LRRC4C: variants seen among roughly 807,000 people sequenced by gnomAD.
LRRC4C encodes leucine rich repeat containing 4C.
In LRRC4C, 5 loss-of-function variants were observed where a neutral mutation model predicts 33.6. The observed-to-expected ratio is 0.15, with a 90% confidence interval of 0.08 to 0.31. The LOEUF (loss-of-function observed/expected upper bound fraction) is 0.31. Among genes scored for constraint, LRRC4C ranks in the 10% least tolerant of loss-of-function variants. LRRC4C has a pLI of 1.00. For synonymous variants in LRRC4C, 329 were observed against 302.0 expected (o/e 1.09, Z -0.93); for missense variants, 560 against 796.7 (o/e 0.70, Z 3.58).
At chr11:40,768,529 G>T (rs1396444557) in intron 2 of LRRC4C, among the ~76,000 whole-genome samples, 1 of 151,920 alleles carries the variant, frequency 6.6e-6, no homozygotes, top group Non-Finnish European at 1.5e-5. Flanking sequence ...GTCAGAAAAG[G>T]AGACACCACA....
chr11:40,652,572 C>A (rs1455947215), intron 2 of LRRC4C, among the ~76,000 whole-genome samples: 1 of 152,048 alleles, frequency 6.6e-6, no homozygotes, highest in African/African-American at 2.4e-5. Context: ...ATCACACAAC[C>A]CAATGTCTTC....
intron 3 of LRRC4C, among the ~76,000 whole-genome samples, chr11:40,424,094 T>C (rs531897138): frequency 6.6e-6 from 1 of 152,262 alleles, no homozygotes; most frequent in African/African-American, 2.4e-5. Context: ...AGCAGGAAGG[T>C]AAATACATCA....
At position 41,162,041 on chromosome 11, in the gene LRRC4C, G is replaced by A. The variant is rs190520742; in HGVS notation, c.-495-228318C>T. On this transcript the variant is annotated intron_variant, in intron 1 of 6. Transcript: ENST00000528697. ...AGGCTATAGTCTTGGCTTATCTGGC[G>A]CCATTTATCCACTCTGCACCTCATG... 1.4e-3 allele frequency among the ~76,000 whole-genome samples: 219 copies of A among 152,194 alleles called. 3 individuals carry two copies. Among genetic ancestry groups the A allele is most frequent in the Admixed American group, 0.011 (175 of 15,288 alleles).
At chr11:40,439,102 T>A (rs1453580482) in intron 3 of LRRC4C, among the ~76,000 whole-genome samples, 2 of 150,482 alleles carry the variant, frequency 1.3e-5, no homozygotes, top group Non-Finnish European at 3.0e-5. Context: ...AGCTAATTTT[T>A]TTTTTTTTTT....
At chr11:40,794,154 GA>G (rs2135193187) in intron 2 of LRRC4C, among the ~76,000 whole-genome samples, 1 of 152,084 alleles carries the variant, frequency 6.6e-6, no homozygotes, top group Admixed American at 6.6e-5. Context: ...CTTTTTCAAG[GA>G]AGTAGCTTAA....
chr11:41,309,158 C>A (rs763947350), intron 1 of LRRC4C, among the ~76,000 whole-genome samples: 2 of 152,196 alleles, frequency 1.3e-5, no homozygotes, highest in Admixed American at 6.5e-5. Flanking sequence ...TTCTGGTAGA[C>A]AAGGTAGCCC....
At chr11:40,641,015 CAAAAAA>C (rs5791392) in intron 3 of LRRC4C, among the ~76,000 whole-genome samples, 7 of 110,088 alleles carry the variant, frequency 6.4e-5, no homozygotes, top group Non-Finnish European at 8.7e-5. Context: ...GAGTCCATCT[CAAAAAA>C]AAAAAAAAAA....
chr11:41,085,736 T>C (rs1023768874), intron 1 of LRRC4C, among the ~76,000 whole-genome samples: 3 of 151,884 alleles, frequency 2.0e-5, no homozygotes, highest in Non-Finnish European at 2.9e-5. Context: ...AAATATCAGT[T>C]CAAGAGATTG....
intron 2 of LRRC4C, among the ~76,000 whole-genome samples, chr11:40,907,893 T>C (rs1354749788): frequency 1.3e-5 from 2 of 152,194 alleles, no homozygotes; most frequent in Non-Finnish European, 2.9e-5. Flanking sequence ...CAAAAAGATC[T>C]TGCAAACTAT....
At chr11:40,547,305 C>G (rs1490605610) in intron 3 of LRRC4C, among the ~76,000 whole-genome samples, 2 of 152,012 alleles carry the variant, frequency 1.3e-5, no homozygotes, top group African/African-American at 4.8e-5. Context: ...TTTCTAAAAT[C>G]ATGGCACTGA....
intron 2 of LRRC4C, among the ~76,000 whole-genome samples, chr11:40,824,244 A>G (rs1446608401): frequency 6.6e-6 from 1 of 151,940 alleles, no homozygotes; most frequent in Non-Finnish European, 1.5e-5. Flanking sequence ...ATACATTTAG[A>G]AAACATTATA....
chr11:41,163,298 T>TTTTTTTTTTTTTTTTTTTTG (rs1456325870), intron 1 of LRRC4C, among the ~76,000 whole-genome samples: 1 of 132,952 alleles, frequency 7.5e-6, no homozygotes, highest in Non-Finnish European at 1.6e-5. Context: ...TTTTTTTTTT[T>TTTTTTTTTTTTTTTTTTTTG]TTTCAAACAG....
chr11:40,658,251 G>A (rs1943237045), intron 2 of LRRC4C, among the ~76,000 whole-genome samples: 1 of 152,170 alleles, frequency 6.6e-6, no homozygotes, highest in Non-Finnish European at 1.5e-5. Flanking sequence ...ACCTGCCCTT[G>A]GCTCTTGCCT....
chr11:41,450,889 C>T (rs1171297175), intron 1 of LRRC4C, among the ~76,000 whole-genome samples: 1 of 152,186 alleles, frequency 6.6e-6, no homozygotes, highest in Admixed American at 6.5e-5. Flanking sequence ...TAAGACAAAC[C>T]TCAAATTCCC....
intron 6 of LRRC4C, among the ~76,000 whole-genome samples, chr11:40,138,352 A>G (rs992055444): frequency 1.3e-5 from 2 of 152,060 alleles, no homozygotes; most frequent in African/African-American, 4.8e-5. Context: ...AAAATTTTTT[A>G]TAGAGATGGG....
chr11:40,567,353 C>CG (rs1957805741), intron 3 of LRRC4C, among the ~76,000 whole-genome samples: 3 of 152,068 alleles, frequency 2.0e-5, no homozygotes, highest in Admixed American at 2.0e-4. Flanking sequence ...GCAATGCAAG[C>CG]CAGGCAAAGA....
intron 1 of LRRC4C, among the ~76,000 whole-genome samples, chr11:41,116,149 T>A (rs7124946): frequency 2.0e-5 from 3 of 152,088 alleles, no homozygotes; most frequent in African/African-American, 7.2e-5. Context: ...ATATGTATCA[T>A]CAAGAGTAAA....
intron 4 of LRRC4C, among the ~76,000 whole-genome samples, chr11:40,259,246 T>G (rs992033759): frequency 2.6e-5 from 4 of 152,038 alleles, no homozygotes; most frequent in African/African-American, 7.2e-5. Flanking sequence ...TCGCCCACTT[T>G]TTGATGGGGT....
chr11:41,188,679 G>A (rs1011367280), intron 1 of LRRC4C, among the ~76,000 whole-genome samples: 4 of 143,376 alleles, frequency 2.8e-5, no homozygotes, highest in African/African-American at 1.0e-4. Context: ...TGAAGGGGGA[G>A]CCTAGAAAGA....
Sources: allele counts gnomAD v4.1 joint callset (sites outside exome capture counted in the v4.1 genomes callset), GRCh38; gene constraint gnomAD v4.1.1; transcripts MANE v1.5; gene names NCBI Gene and HGNC (gene_info 2026-07-23, HGNC 2026-07-21).